CDKAL1: variants seen among roughly 807,000 people sequenced by gnomAD.
CDKAL1 encodes threonylcarbamoyladenosine tRNA methylthiotransferase.
Under a neutral mutation model 68.2 loss-of-function variants are expected in CDKAL1, and 32 were observed. The ratio of observed to expected loss-of-function variants is 0.47; its 90% CI spans 0.35 to 0.63. The LOEUF (loss-of-function observed/expected upper bound fraction) is 0.63, where lower values mean the gene tolerates loss of function less well. Among genes scored for constraint, CDKAL1 ranks in the 30% least tolerant of loss-of-function variants. The pLI is 0.00. For synonymous variants in CDKAL1, 234 were observed against 244.3 expected (o/e 0.96, Z 0.39); for missense variants, 606 against 696.7 (o/e 0.87, Z 1.47).
At chr6:21,053,776 A>C (rs1770673034) in intron 11 of CDKAL1, among the ~76,000 whole-genome samples, 1 of 152,000 alleles carries the variant, frequency 6.6e-6, no homozygotes, top group Non-Finnish European at 1.5e-5. Flanking sequence ...TCTTCAGTGA[A>C]GTGTTTGTTA....
At chr6:21,212,832 AAT>A (rs1187473692) in intron 15 of CDKAL1, among the ~76,000 whole-genome samples, 1 of 152,186 alleles carries the variant, frequency 6.6e-6, no homozygotes, top group East Asian at 1.9e-4. Flanking sequence ...TCCTGAATGC[AAT>A]TCTATAAAAT....
chr6:20,658,846 G>A (rs553113145), intron 5 of CDKAL1, among the ~76,000 whole-genome samples: 1 of 152,078 alleles, frequency 6.6e-6, no homozygotes, highest in African/African-American at 2.4e-5. Context: ...ACCGGGTCTC[G>A]TTCTGTTGCT....
chr6:20,966,393 T>C (rs1765315788), intron 10 of CDKAL1, among the ~76,000 whole-genome samples: 1 of 152,212 alleles, frequency 6.6e-6, no homozygotes, highest in African/African-American at 2.4e-5. Flanking sequence ...TATTATAGAC[T>C]CCTACTGCTC....
At chr6:21,143,606 A>T (rs1160500363) in intron 13 of CDKAL1, among the ~76,000 whole-genome samples, 1 of 152,098 alleles carries the variant, frequency 6.6e-6, no homozygotes, top group Non-Finnish European at 1.5e-5. Flanking sequence ...CCTGTGTTAG[A>T]TGTTTCAGTT....
At chr6:20,817,774 C>T (rs1325352081) in intron 8 of CDKAL1, among the ~76,000 whole-genome samples, 4 of 152,114 alleles carry the variant, frequency 2.6e-5, no homozygotes, top group African/African-American at 9.7e-5. Context: ...CACCATTTGT[C>T]TAAATAGCTC....
intron 4 of CDKAL1, among the ~76,000 whole-genome samples, chr6:20,609,543 GCA>G (rs1450351997): frequency 6.6e-6 from 1 of 151,372 alleles, no homozygotes; most frequent in Non-Finnish European, 1.5e-5. Flanking sequence ...TTACAGGTGT[GCA>G]CCACCACGCC....
At chr6:20,675,887 A>G (rs992359100) in intron 5 of CDKAL1, among the ~76,000 whole-genome samples, 14 of 152,148 alleles carry the variant, frequency 9.2e-5, no homozygotes, top group Admixed American at 2.0e-4. Context: ...CACAGCTCCA[A>G]GTGTATTATT....
intron 6 of CDKAL1, among the ~76,000 whole-genome samples, chr6:20,753,423 A>G (rs1378431165): frequency 6.6e-6 from 1 of 152,144 alleles, no homozygotes; most frequent in East Asian, 1.9e-4. Context: ...TGTACCTTTT[A>G]TATGTTTAGA....
chr6:20,875,706 TTAA>T (rs1760478813), intron 9 of CDKAL1, among the ~76,000 whole-genome samples: 1 of 152,240 alleles, frequency 6.6e-6, no homozygotes. Flanking sequence ...GTAAAGCTAT[TTAA>T]TAATCTTACA....
chr6:21,016,499 G>A (rs1383075032), intron 11 of CDKAL1, among the ~76,000 whole-genome samples: 3 of 151,974 alleles, frequency 2.0e-5, no homozygotes, highest in African/African-American at 7.3e-5. Context: ...TTCTAATTGT[G>A]GACTCTGGCA....
chr6:20,931,308 C>G (rs1398344001), intron 9 of CDKAL1, among the ~76,000 whole-genome samples: 1 of 152,130 alleles, frequency 6.6e-6, no homozygotes, highest in Non-Finnish European at 1.5e-5. Context: ...TGCCAGACAC[C>G]AGGCCCTGTG....
intron 12 of CDKAL1, among the ~76,000 whole-genome samples, chr6:21,096,222 T>C (rs11969472): frequency 0.066 from 10,015 of 152,226 alleles, 377 homozygotes; most frequent in South Asian, 0.1. Flanking sequence ...GGGAGGGAGA[T>C]GCATTGGCTT....
At chr6:21,215,488 G>A (rs1779308654) in intron 15 of CDKAL1, among the ~76,000 whole-genome samples, 1 of 152,114 alleles carries the variant, frequency 6.6e-6, no homozygotes, top group Non-Finnish European at 1.5e-5. Context: ...CCTGTGATCT[G>A]CGCAACTTTC....
At chr6:21,192,266 C>T (rs1778286759) in intron 13 of CDKAL1, among the ~76,000 whole-genome samples, 1 of 151,236 alleles carries the variant, frequency 6.6e-6, no homozygotes, top group Non-Finnish European at 1.5e-5. Flanking sequence ...CATGATCCAC[C>T]CGCCTCGGCC....
intron 6 of CDKAL1, among the ~76,000 whole-genome samples, chr6:20,757,994 C>G (rs1774298428): frequency 6.6e-6 from 1 of 152,084 alleles, no homozygotes; most frequent in African/African-American, 2.4e-5. Context: ...GGAAGCATTC[C>G]TGCATCACTT....
At chr6:20,914,062 G>A (rs1762605061) in intron 9 of CDKAL1, among the ~76,000 whole-genome samples, 1 of 152,138 alleles carries the variant, frequency 6.6e-6, no homozygotes, top group Non-Finnish European at 1.5e-5. Context: ...GGCCGAGGCA[G>A]GCAGATCACG....
chr6:20,963,580 T>C (rs1765160941), intron 10 of CDKAL1, among the ~76,000 whole-genome samples: 1 of 152,230 alleles, frequency 6.6e-6, no homozygotes, highest in Non-Finnish European at 1.5e-5. Flanking sequence ...AATGAACTTA[T>C]AAATAGACTT....
In CDKAL1 at chr6:20,965,160, C is replaced by G. The variant is rs376284500; in HGVS notation, c.909+9575C>G. Among the ~76,000 whole-genome samples, 3 of 152,112 alleles carry G rather than the reference C, an allele frequency of 2.0e-5. No individual in the cohort carries two copies. In the South Asian group the frequency reaches 6.2e-4, roughly 32 times the overall value. On this transcript the variant is annotated intron_variant, in intron 10 of 15. Coordinates refer to ENST00000274695, the MANE Select transcript of CDKAL1 (RefSeq NM_017774.3). ...ATCCGTCTCTGCAAAAAGTTTTTTA[C>G]AATTAGCTTGGTATGGTGGCACACA...
chr6:21,050,894 A>G (rs1770504957), intron 11 of CDKAL1, among the ~76,000 whole-genome samples: 1 of 152,220 alleles, frequency 6.6e-6, no homozygotes, highest in Non-Finnish European at 1.5e-5. Context: ...TTCTTCAAAC[A>G]AGAGGGTTTA....
Sources: allele counts gnomAD v4.1 joint callset (sites outside exome capture counted in the v4.1 genomes callset), GRCh38; gene constraint gnomAD v4.1.1; transcripts MANE v1.5; gene names NCBI Gene and HGNC (gene_info 2026-07-23, HGNC 2026-07-21).